ANKH: variants seen among roughly 807,000 people sequenced by gnomAD.
ANKH encodes ANKH inorganic pyrophosphate transport regulator, also known as mineralization regulator ANKH.
In ANKH, 15 loss-of-function variants were observed where a neutral mutation model predicts 49.0. The ratio of observed to expected loss-of-function variants is 0.31; its 90% CI spans 0.20 to 0.47. The LOEUF is 0.47. Among genes scored for constraint, ANKH ranks in the 20% least tolerant of loss-of-function variants. The pLI, the probability that ANKH is intolerant of heterozygous loss-of-function variation, is 1.00. For missense variants in ANKH, 429 were observed against 652.0 expected, an observed-to-expected ratio of 0.66 and a Z score of 3.72; for synonymous variants, 273 against 260.0, an observed-to-expected ratio of 1.05 and a Z score of -0.48.
At chr5:14,772,314 T>A (rs1319137235) in intron 1 of ANKH, among the ~76,000 whole-genome samples, 3 of 152,162 alleles carry the variant, frequency 2.0e-5, no homozygotes, top group Non-Finnish European at 4.4e-5. Context: ...TAGGAAGAAA[T>A]GTATTTACAG....
rs115002589 is a variant in ANKH, at chr5:14,713,204, C to T, written c.1266-231G>A. On this transcript the variant is annotated intron_variant, in intron 10 of 11. Coordinates refer to ENST00000284268, the MANE Select transcript of ANKH (RefSeq NM_054027.6). The surrounding 1 kb of genome is among the most constrained non-coding windows in gnomAD (Gnocchi z 4.4). ...AGCACATGGATCCCACAGCCCTTCC[C>T]ACCCTCCCCAGGACGCTGGGAGCTC... Among the ~76,000 whole-genome samples, 803 of 152,286 alleles carry T rather than the reference C, an allele frequency of 5.3e-3. 6 individuals carry two copies. The highest frequency in any genetic ancestry group is 0.018 in the African/African-American group (759 of 41,542).
At chr5:14,791,348 G>A (rs1740160462) in intron 1 of ANKH, among the ~76,000 whole-genome samples, 1 of 152,160 alleles carries the variant, frequency 6.6e-6, no homozygotes. Context: ...GTGAGGAACA[G>A]CAAAATGAAG....
intron 1 of ANKH, among the ~76,000 whole-genome samples, chr5:14,838,959 T>C (rs540056793): frequency 5.3e-5 from 8 of 152,302 alleles, no homozygotes; most frequent in Admixed American, 3.9e-4. Context: ...TATTTGTTAA[T>C]GTTAAATGAC....
At position 14,713,736 on chromosome 5, in the gene ANKH, C is replaced by T. The variant is rs372203420; in HGVS notation, c.1142-69G>A. 4.4e-5 allele frequency: 70 copies of T among 1,607,170 alleles called. No individual in the cohort carries two copies. The East Asian group carries it at 1.5e-3, about 35-fold the overall frequency. On this transcript the variant is annotated intron_variant, in intron 9 of 11. Transcript: ENST00000284268. This position sits in a 1 kb window ranked among gnomAD's most constrained non-coding sequence, Gnocchi z 4.4. ...ACTCCCCATCCTGCTGCCTCTGGAC[C>T]AGGGCAGCACATCCGAGAGCCAGGG...
chr5:14,816,807 G>A (rs1741052762), intron 1 of ANKH, among the ~76,000 whole-genome samples: 1 of 152,088 alleles, frequency 6.6e-6, no homozygotes, highest in Admixed American at 6.6e-5. Flanking sequence ...ACGAGCTTTG[G>A]CCAGGATGAA....
At chr5:14,749,498 A>T (rs1052190220) in intron 5 of ANKH, among the ~76,000 whole-genome samples, 192 bp from the exon 6 acceptor site, 1 of 152,274 alleles carries the variant, frequency 6.6e-6, no homozygotes, top group Non-Finnish European at 1.5e-5. Context: ...AATAGAAATT[A>T]ACCGAGACAG....
chr5:14,731,614 G>C (rs1202697902), intron 8 of ANKH, among the ~76,000 whole-genome samples: 1 of 152,160 alleles, frequency 6.6e-6, no homozygotes, highest in Non-Finnish European at 1.5e-5. Context: ...CCATAAAACT[G>C]TGCAAGGTTC....
At chr5:14,755,472 G>T (rs1314446040) in intron 4 of ANKH, among the ~76,000 whole-genome samples, 1 of 152,210 alleles carries the variant, frequency 6.6e-6, no homozygotes, top group African/African-American at 2.4e-5. Context: ...CTCTAGGACA[G>T]AGTGACAGAC....
rs746469455 is a variant in ANKH at position 14,716,777 on chromosome 5, A to G, written c.1070T>C (p.Ile357Thr). 6.2e-6 allele frequency: 10 copies of G among 1,614,194 alleles called. No homozygotes were observed. Among genetic ancestry groups the G allele is most frequent in the Non-Finnish European group, 6.8e-6 (8 of 1,179,984 alleles). Residue 357 changes from isoleucine to threonine, a missense_variant, in exon 9 of 12, where the codon ATC (isoleucine) becomes ACC (threonine). This residue lies in a region of ANKH where 378 missense variants were observed against 615.3 expected (regional missense o/e 0.61). Transcript: ENST00000284268. ...NVSEKILIDI[I>T]GVDFAFAELC... The stretch of plus-strand genomic sequence containing the variant: ...TTCTGCAAAGGCAAAGTCCACTCCG[A>G]TGATGTCTATCAAGATTTTCTCAGA...
Position 14,706,013 on chromosome 5 carries a change from G to A in ANKH, c.*5184C>T, listed in dbSNP as rs988416083. ...AATCTTATAGTGAGAATTTCCATGA[G>A]GTTGTACAGTGAGTGGTACAACCAT... On this transcript the variant is annotated 3_prime_UTR_variant, in exon 12 of 12. Coordinates refer to ENST00000284268, the MANE Select transcript of ANKH (RefSeq NM_054027.6). 2 of 152,148 alleles carry A rather than the reference G, an allele frequency of 1.3e-5. No homozygotes were observed. Among genetic ancestry groups the A allele is most frequent in the African/African-American group, 4.8e-5 (2 of 41,424 alleles). 9.4% of individuals were successfully genotyped at this position (152,148 alleles called of 1,614,324 possible).
In ANKH at chr5:14,707,772, G is replaced by A. The variant is rs1736997590; in HGVS notation, c.*3425C>T. 1 of 152,194 alleles carries A rather than the reference G, an allele frequency of 6.6e-6. No homozygotes were observed. The highest frequency in any genetic ancestry group is 2.1e-4 in the South Asian group (1 of 4,822). The allele number at this position is 152,194 out of a possible 1,614,324, so 9.4% of individuals were successfully genotyped here. A position where few individuals can be genotyped will look rare whatever the true frequency, so the allele number is the denominator to read the frequency against. ...GATACATCCTAAGCCAATATTAAAT[G>A]TTTCAGTTTCTTAGGGAATCGGCTA... On this transcript the variant is annotated 3_prime_UTR_variant, in exon 12 of 12. Transcript: ENST00000284268.
chr5:14,740,608 G>A (rs193167697), intron 8 of ANKH, among the ~76,000 whole-genome samples: 1 of 152,378 alleles, frequency 6.6e-6, no homozygotes, highest in East Asian at 1.9e-4. Flanking sequence ...GGCAGTGTCA[G>A]AGGTCTTCTG....
chr5:14,871,263 C>T (rs1311268923), intron 1 of ANKH, 89 bp downstream of exon 1: 3 of 1,146,930 alleles, frequency 2.6e-6, no homozygotes, highest in Admixed American at 1.9e-5. Flanking sequence ...AAGAGGGACT[C>T]GGAGCAGGTG....
intron 9 of ANKH, among the ~76,000 whole-genome samples, chr5:14,716,197 T>C (rs564354621): frequency 6.6e-6 from 1 of 152,294 alleles, no homozygotes; most frequent in African/African-American, 2.4e-5. Flanking sequence ...TTGTAATCAC[T>C]GCACTTTTAA....
At chr5:14,731,988 C>T (rs551969088) in intron 8 of ANKH, among the ~76,000 whole-genome samples, 5 of 152,212 alleles carry the variant, frequency 3.3e-5, no homozygotes, top group South Asian at 2.1e-4. Flanking sequence ...GGAAGCATCA[C>T]GTGTGCCCCA....
intron 1 of ANKH, among the ~76,000 whole-genome samples, chr5:14,793,070 A>AAATAT (rs1295561786): frequency 1.8e-5 from 2 of 108,436 alleles, no homozygotes; most frequent in Admixed American, 1.0e-4. Flanking sequence ...AATATATATA[A>AAATAT]ATATATAAAA....
Position 14,741,837 on chromosome 5 carries a change from A to C in ANKH, c.1001T>G (p.Leu334Arg), listed in dbSNP as rs267606657. The C allele has an allele frequency of 6.2e-7, 1 of 1,613,880 alleles. No individual in the cohort carries two copies. Among genetic ancestry groups the C allele is most frequent in the Non-Finnish European group, 8.5e-7 (1 of 1,179,770 alleles). Reference sequence around the variant, plus strand: ...AGCCTCTGTCCTTACCGTGAGTGACAGAGCCATGCAGACGAAGGTGAACTT... The same window carrying C: ...AGCCTCTGTCCTTACCGTGAGTGACCGAGCCATGCAGACGAAGGTGAACTT... ...IKKFTFVCMA[L>R]SLTLCFVMFW... The change falls in exon 8 of 12, where the codon CTG (leucine) becomes CGG (arginine). Residue 334 changes from leucine to arginine, a missense_variant. Leu to Arg is a moderately radical substitution (Grantham distance 102, BLOSUM62 -2). Coordinates refer to ENST00000284268, the MANE Select transcript of ANKH (RefSeq NM_054027.6).
chr5:14,835,722 T>C (rs950531079), intron 1 of ANKH, among the ~76,000 whole-genome samples: 6 of 152,162 alleles, frequency 3.9e-5, no homozygotes, highest in Non-Finnish European at 5.9e-5. Flanking sequence ...TCTGAAACTA[T>C]TCCAATCAAT....
chr5:14,836,582 A>C (rs1435859586), intron 1 of ANKH, among the ~76,000 whole-genome samples: 3 of 152,254 alleles, frequency 2.0e-5, no homozygotes, highest in Non-Finnish European at 4.4e-5. Flanking sequence ...GACCTCTTCA[A>C]GGAGGACTAC....
Sources: allele counts gnomAD v4.1 joint callset (sites outside exome capture counted in the v4.1 genomes callset), GRCh38; gene constraint gnomAD v4.1.1; regional missense constraint gnomAD v4.1.1; non-coding constraint Gnocchi (gnomAD v3.1); transcripts MANE v1.5; gene names NCBI Gene and HGNC (gene_info 2026-07-23, HGNC 2026-07-21).